The following VPS8 variants were observed in gnomAD, a reference collection of about 807,000 sequenced individuals.
VPS8 encodes vacuolar protein sorting-associated protein 8 homolog.
In VPS8, 129 loss-of-function variants were observed where a neutral mutation model predicts 216.4. That is an observed-to-expected ratio of 0.60 (90% CI 0.52 to 0.69). The LOEUF (loss-of-function observed/expected upper bound fraction) is 0.69. VPS8 is among the 30% of genes least tolerant of loss of function. The pLI, the probability that VPS8 is intolerant of heterozygous loss-of-function variation, is 0.00. For synonymous variants in VPS8, 571 were observed against 565.4 expected (o/e 1.01, Z -0.14); for missense variants, 1,531 against 1,683.5 (o/e 0.91, Z 1.59).
At chr3:185,025,127 CAT>C (rs1253996975) in intron 46 of VPS8, among the ~76,000 whole-genome samples, 1 of 152,188 alleles carries the variant, frequency 6.6e-6, no homozygotes, top group Non-Finnish European at 1.5e-5. Flanking sequence ...AGAGAGCTCT[CAT>C]GTGTGCTACT....
chr3:184,902,122 CT>C lies in VPS8; in HGVS notation c.2146+1162del, dbSNP rs1192011417. On this transcript the variant is annotated intron_variant, in intron 25 of 47. Transcript: ENST00000625842. Reference sequence around the variant, plus strand: ...TGTTTAAATATTTAGCCCCCCCCCCCTTTTTTTTTTTTAATTGGTGGAGATG... The same window carrying C: ...TGTTTAAATATTTAGCCCCCCCCCCCTTTTTTTTTTTAATTGGTGGAGATG... Among the ~76,000 whole-genome samples the C allele has an allele frequency of 2.4e-3, 285 of 119,374 alleles. 2 individuals are homozygous for C. The highest frequency in any genetic ancestry group is 5.4e-3 in the Admixed American group (61 of 11,378). The allele number at this position is 119,374 out of a possible 152,430, so 78.3% of individuals were successfully genotyped here.
intron 34 of VPS8, among the ~76,000 whole-genome samples, chr3:184,931,730 T>C (rs1324134526): frequency 6.6e-6 from 1 of 152,186 alleles, no homozygotes; most frequent in Non-Finnish European, 1.5e-5. Context: ...ACAAGATGAA[T>C]ATATCTTGGT....
intron 14 of VPS8, among the ~76,000 whole-genome samples, chr3:184,857,634 A>G (rs550415114): frequency 1.3e-5 from 2 of 152,250 alleles, no homozygotes; most frequent in Admixed American, 1.3e-4. Context: ...CTACTTCAAG[A>G]CTGATCTTCC....
intron 46 of VPS8, among the ~76,000 whole-genome samples, chr3:185,047,416 T>C (rs1328625434): frequency 6.6e-6 from 1 of 152,166 alleles, no homozygotes; most frequent in Non-Finnish European, 1.5e-5. Context: ...TGCCTAAGAT[T>C]ATGCTGCTAG....
chr3:184,885,338 T>A (rs1015136683), intron 21 of VPS8, among the ~76,000 whole-genome samples: 2 of 152,326 alleles, frequency 1.3e-5, no homozygotes, highest in Admixed American at 6.5e-5. Flanking sequence ...CTGCCGAAGT[T>A]TGATGCTTGG....
intron 39 of VPS8, among the ~76,000 whole-genome samples, 178 bp from the exon 40 acceptor site, chr3:184,971,471 C>G (rs1222726330): frequency 2.0e-5 from 3 of 152,170 alleles, no homozygotes; most frequent in Non-Finnish European, 4.4e-5. Flanking sequence ...GTGGGAAACT[C>G]TTATTTCACG....
chr3:184,829,651 A>C (rs1018812962), intron 3 of VPS8, among the ~76,000 whole-genome samples: 4 of 152,224 alleles, frequency 2.6e-5, no homozygotes, highest in African/African-American at 9.6e-5. Context: ...GCAACAGTAT[A>C]TGAGATTTCT....
chr3:184,997,929 G>A (rs1246361971), intron 44 of VPS8, among the ~76,000 whole-genome samples: 1 of 152,108 alleles, frequency 6.6e-6, no homozygotes, highest in Non-Finnish European at 1.5e-5. Context: ...AGTGACGTTT[G>A]AGGGGATCTA....
At chr3:184,892,472 C>T (rs190997745) in intron 22 of VPS8, among the ~76,000 whole-genome samples, 2 of 152,298 alleles carry the variant, frequency 1.3e-5, no homozygotes, top group African/African-American at 4.8e-5. Context: ...CTGCCTTGGC[C>T]TCCCGAAGAG....
At chr3:185,017,016 C>CG (rs1354575690) in intron 45 of VPS8, among the ~76,000 whole-genome samples, 1 of 151,942 alleles carries the variant, frequency 6.6e-6, no homozygotes, top group African/African-American at 2.4e-5. Flanking sequence ...TTTTCCTAGT[C>CG]TCATACCAAG....
intron 40 of VPS8, among the ~76,000 whole-genome samples, chr3:184,973,104 T>G (rs1204557936): frequency 6.6e-6 from 1 of 152,228 alleles, no homozygotes; most frequent in African/African-American, 2.4e-5. Context: ...GTTACATAAA[T>G]GTGATTGCTT....
chr3:184,878,026 C>T (rs1729583676), intron 21 of VPS8, among the ~76,000 whole-genome samples: 1 of 151,888 alleles, frequency 6.6e-6, no homozygotes, highest in South Asian at 2.1e-4. Flanking sequence ...GTTTTTGAAA[C>T]AACGTAGAGG....
intron 25 of VPS8, among the ~76,000 whole-genome samples, chr3:184,909,616 G>A (rs1736116662): frequency 1.3e-5 from 2 of 151,896 alleles, no homozygotes; most frequent in Admixed American, 6.5e-5. Flanking sequence ...TCTTGTTTTT[G>A]TTTTCTCTGC....
At chr3:184,990,436 T>C (rs1051457963) in intron 42 of VPS8, among the ~76,000 whole-genome samples, 1 of 152,202 alleles carries the variant, frequency 6.6e-6, no homozygotes, top group East Asian at 1.9e-4. Flanking sequence ...GCCTGAAACA[T>C]AGTATATGCC....
intron 46 of VPS8, among the ~76,000 whole-genome samples, chr3:185,046,292 C>G (rs1332809237): frequency 6.6e-6 from 1 of 152,246 alleles, no homozygotes; most frequent in African/African-American, 2.4e-5. Context: ...GAAACTGTTA[C>G]TTATCTTCAG....
intron 44 of VPS8, among the ~76,000 whole-genome samples, chr3:184,997,717 GTGTT>G (rs1354302993): frequency 6.6e-6 from 1 of 152,220 alleles, no homozygotes; most frequent in African/African-American, 2.4e-5. Flanking sequence ...GAGATACAGA[GTGTT>G]TGGTGGGGGG....
chr3:184,827,946 A>G (rs1261591118), intron 3 of VPS8, among the ~76,000 whole-genome samples: 1 of 152,208 alleles, frequency 6.6e-6, no homozygotes, highest in Non-Finnish European at 1.5e-5. Context: ...ATTGTAGACC[A>G]TTATGAAGAC....
At chr3:184,855,958 T>C in intron 14 of VPS8, 140 bp downstream of exon 14, 2 of 625,150 alleles carry the variant, frequency 3.2e-6, no homozygotes, top group South Asian at 2.4e-5. Flanking sequence ...TCTAAGGCTT[T>C]AATGATTAGC....
At chr3:184,832,094 A>G (rs561012774) in intron 3 of VPS8, among the ~76,000 whole-genome samples, 4 of 152,340 alleles carry the variant, frequency 2.6e-5, no homozygotes, top group African/African-American at 9.6e-5. Context: ...GTGTAATGGC[A>G]TATAAGGCTT....
Sources: allele counts gnomAD v4.1 joint callset (sites outside exome capture counted in the v4.1 genomes callset), GRCh38; gene constraint gnomAD v4.1.1; transcripts MANE v1.5; gene names NCBI Gene and HGNC (gene_info 2026-07-23, HGNC 2026-07-21).